EGFR: variants seen among roughly 807,000 people sequenced by gnomAD.
EGFR encodes the protein avian erythroblastic leukemia viral (v-erb-b) oncogene homolog.
In EGFR, 58 loss-of-function variants were observed where a neutral mutation model predicts 143.0. That is an observed-to-expected ratio of 0.41 (90% CI 0.33 to 0.50). EGFR has a LOEUF of 0.50. EGFR is among the 20% of genes least tolerant of loss of function. The probability of loss-of-function intolerance (pLI) is 0.39; values close to 1 mark genes in which losing one functional copy is unlikely to be tolerated. For missense variants in EGFR, 1,307 were observed against 1,579.0 expected, an observed-to-expected ratio of 0.83 and a Z score of 2.92; for synonymous variants, 613 against 594.4, an observed-to-expected ratio of 1.03 and a Z score of -0.45.
chr7:55,056,182 G>T (rs982191008), intron 1 of EGFR, among the ~76,000 whole-genome samples: 1 of 152,144 alleles, frequency 6.6e-6, no homozygotes, highest in African/African-American at 2.4e-5. Context: ...AATTTTGGTG[G>T]TTTAAGAACT....
intron 22 of EGFR, among the ~76,000 whole-genome samples, chr7:55,194,208 G>A (rs1333121389): frequency 2.7e-5 from 4 of 149,490 alleles, no homozygotes; most frequent in Non-Finnish European, 4.4e-5. Flanking sequence ...CCAGACAGAG[G>A]CCACATATAT....
intron 27 of EGFR, among the ~76,000 whole-genome samples, chr7:55,204,365 C>T (rs1583662945): frequency 6.7e-6 from 1 of 148,504 alleles, no homozygotes; most frequent in East Asian, 2.0e-4. Flanking sequence ...TACACACCAA[C>T]ACCACACAGA....
chr7:55,100,994 C>T (rs537123447), intron 1 of EGFR, among the ~76,000 whole-genome samples: 36 of 152,376 alleles, frequency 2.4e-4, no homozygotes, highest in African/African-American at 8.4e-4. Flanking sequence ...TTTTCCACCA[C>T]ACAAAACTGT....
intron 15 of EGFR, chr7:55,170,712 T>A: frequency 6.6e-7 from 1 of 1,520,658 alleles, no homozygotes; most frequent in African/African-American, 1.4e-5. Context: ...ACTGACCTCT[T>A]CCTCCTCGCT....
At chr7:55,041,018 C>T (rs1787865338) in intron 1 of EGFR, among the ~76,000 whole-genome samples, 1 of 152,246 alleles carries the variant, frequency 6.6e-6, no homozygotes, top group Non-Finnish European at 1.5e-5. Flanking sequence ...CACTCTGGAT[C>T]ACAGCAGTAG....
At chr7:55,173,833 G>A (rs2128953328) in intron 17 of EGFR, 88 bp from the exon 18 acceptor site, 1 of 1,609,636 alleles carries the variant, frequency 6.2e-7, no homozygotes, top group South Asian at 1.1e-5. Context: ...CGTGGCTGCT[G>A]GTCCCCCTGC....
At chr7:55,147,763 A>G (rs1794844664) in intron 4 of EGFR, among the ~76,000 whole-genome samples, 1 of 152,214 alleles carries the variant, frequency 6.6e-6, no homozygotes, top group Non-Finnish European at 1.5e-5. Context: ...TACCCATTAG[A>G]CAGTAACTCT....
chr7:55,082,081 T>A (rs1790496879), intron 1 of EGFR, among the ~76,000 whole-genome samples: 1 of 152,222 alleles, frequency 6.6e-6, no homozygotes, highest in South Asian at 2.1e-4. Flanking sequence ...GTCCCACAGT[T>A]TGAAATCCCA....
chr7:55,148,938 C>T (rs778382892), intron 4 of EGFR, among the ~76,000 whole-genome samples: 3 of 152,036 alleles, frequency 2.0e-5, no homozygotes, highest in Non-Finnish European at 4.4e-5. Flanking sequence ...CACAGTGTGC[C>T]TAGCTTTTAT....
chr7:55,029,470 C>G (rs1562651699), intron 1 of EGFR, among the ~76,000 whole-genome samples: 1 of 151,922 alleles, frequency 6.6e-6, no homozygotes, highest in South Asian at 2.1e-4. Context: ...TTTTTACAAG[C>G]TGTTATGAAT....
At chr7:55,033,321 A>G (rs1787371082) in intron 1 of EGFR, among the ~76,000 whole-genome samples, 1 of 152,170 alleles carries the variant, frequency 6.6e-6, no homozygotes, top group Admixed American at 6.5e-5. Context: ...TTTTGTTTTC[A>G]TTAAAGTGAC....
chr7:55,174,663 C>T (rs1786510409), intron 18 of EGFR, 59 bp from the exon 19 acceptor site: 1 of 1,379,168 alleles, frequency 7.3e-7, no homozygotes, highest in African/African-American at 1.4e-5. Flanking sequence ...GATCACTGGG[C>T]AGCATGTGGC....
At chr7:55,059,389 G>A (rs1214172389) in intron 1 of EGFR, among the ~76,000 whole-genome samples, 1 of 152,144 alleles carries the variant, frequency 6.6e-6, no homozygotes, top group East Asian at 1.9e-4. Context: ...CTTTCTCATG[G>A]TCCCTGCAGG....
chr7:55,073,159 C>G (rs181008703), intron 1 of EGFR, among the ~76,000 whole-genome samples: 1 of 152,292 alleles, frequency 6.6e-6, no homozygotes, highest in African/African-American at 2.4e-5. Context: ...TGTGATTTTT[C>G]TAAATACTGA....
intron 5 of EGFR, among the ~76,000 whole-genome samples, chr7:55,151,629 A>C (rs1323703897): frequency 6.6e-6 from 1 of 152,108 alleles, no homozygotes; most frequent in East Asian, 1.9e-4. Context: ...TAATCCCAGC[A>C]CTTTGGGAGG....
At chr7:55,071,822 AGTACAT>A (rs1789850019) in intron 1 of EGFR, among the ~76,000 whole-genome samples, 1 of 152,268 alleles carries the variant, frequency 6.6e-6, no homozygotes, top group Admixed American at 6.5e-5. Context: ...AAAAATACTC[AGTACAT>A]TTAGGGCATA....
chr7:55,052,486 A>G (rs1227694758), intron 1 of EGFR, among the ~76,000 whole-genome samples: 1 of 152,200 alleles, frequency 6.6e-6, no homozygotes, highest in Non-Finnish European at 1.5e-5. Context: ...CGATCAATCA[A>G]TCAACCAATC....
chr7:55,080,172 C>T (rs1790382626), intron 1 of EGFR, among the ~76,000 whole-genome samples: 1 of 152,062 alleles, frequency 6.6e-6, no homozygotes, highest in African/African-American at 2.4e-5. Flanking sequence ...TTAGTTTTTG[C>T]ACAAGAGTTG....
rs77423948 is a variant in EGFR at position 55,083,231 on chromosome 7, T to A, written c.89-59055T>A. Among the ~76,000 whole-genome samples, 197 of 152,376 alleles carry A rather than the reference T, an allele frequency of 1.3e-3. 4 individuals carry two copies. In the East Asian group the frequency reaches 0.036, roughly 28 times the overall value. ...ATTTATGCACTCGTTCTTGGAGACG[T>A]TGACTTTATTTAGTAGCATTAACCA... On this transcript the variant is annotated intron_variant, in intron 1 of 27. Transcript: ENST00000275493.
Sources: gnomAD v4.1 joint callset for allele counts (sites outside exome capture counted in the v4.1 genomes callset) on GRCh38, gnomAD v4.1.1 for gene constraint, MANE v1.5 for transcripts, NCBI Gene and HGNC (gene_info 2026-07-23, HGNC 2026-07-21) for gene names.